Variants in LOC400499 observed in about 807,000 individuals in gnomAD.
chr16:11,417,118 C>T, the LOC400499 span, among the ~76,000 whole-genome samples: 7 of 152,176 alleles, frequency 4.6e-5, no homozygotes, highest in East Asian at 1.4e-3. Flanking sequence ...GTCCCACCCC[C>T]CCTCACCCTC....
the LOC400499 span, among the ~76,000 whole-genome samples, chr16:11,420,988 G>A: frequency 6.6e-6 from 1 of 152,180 alleles, no homozygotes; most frequent in African/African-American, 2.4e-5. Flanking sequence ...CTTGTCCTGA[G>A]TTTCAGGGGC....
chr16:11,467,094 A>G, the LOC400499 span: 1 of 156,172 alleles, frequency 6.4e-6, no homozygotes, highest in South Asian at 1.7e-4. Context: ...CTGGGATTAC[A>G]GGCACGCACC....
the LOC400499 span, among the ~76,000 whole-genome samples, chr16:11,466,940 T>C: frequency 1.3e-5 from 2 of 149,078 alleles, no homozygotes; most frequent in African/African-American, 2.4e-5. Context: ...TGTGTGTGTA[T>C]GCACGCACAC....
the LOC400499 span, among the ~76,000 whole-genome samples, chr16:11,390,987 CCCCTT>C: frequency 1.6e-3 from 239 of 152,346 alleles, no homozygotes; most frequent in African/African-American, 5.5e-3. Context: ...CCGCCCCAGC[CCCCTT>C]CCCTGTGCTG....
the LOC400499 span, chr16:11,384,330 G>C: frequency 8.1e-6 from 10 of 1,228,874 alleles, no homozygotes; most frequent in Non-Finnish European, 1.0e-5. Flanking sequence ...ATATGCCTGT[G>C]GGGAAGAGGG....
At chr16:11,497,664 TG>T in the LOC400499 span, among the ~76,000 whole-genome samples, 1 of 152,154 alleles carries the variant, frequency 6.6e-6, no homozygotes, top group South Asian at 2.1e-4. Context: ...CCAGGACAAC[TG>T]GGCCAGCATG....
chr16:11,519,200 T>C, the LOC400499 span, among the ~76,000 whole-genome samples: 5 of 152,154 alleles, frequency 3.3e-5, no homozygotes, highest in Non-Finnish European at 5.9e-5. Flanking sequence ...TCTGGAAAGT[T>C]CTCATTTTGC....
At chr16:11,403,568 A>G in the LOC400499 span, among the ~76,000 whole-genome samples, 3 of 152,126 alleles carry the variant, frequency 2.0e-5, no homozygotes, top group African/African-American at 7.2e-5. Flanking sequence ...CAGGGCACAC[A>G]TGTGGCAAAT....
the LOC400499 span, among the ~76,000 whole-genome samples, chr16:11,436,637 G>C: frequency 2.6e-5 from 4 of 151,854 alleles, no homozygotes; most frequent in Non-Finnish European, 5.9e-5. Context: ...ACCCAGGCTG[G>C]AGTGCAGTGG....
At chr16:11,434,391 G>A in the LOC400499 span, among the ~76,000 whole-genome samples, 2 of 152,128 alleles carry the variant, frequency 1.3e-5, no homozygotes, top group Non-Finnish European at 2.9e-5. Flanking sequence ...AGGTGCGGTG[G>A]TGAGCCTGTG....
At chr16:11,372,535 C>A in the LOC400499 span, 10 of 154,132 alleles carry the variant, frequency 6.5e-5, no homozygotes, top group African/African-American at 9.6e-5. Flanking sequence ...AGTTTCATGT[C>A]CCCCGGAAGT....
the LOC400499 span, among the ~76,000 whole-genome samples, chr16:11,467,556 G>C: frequency 1.3e-5 from 2 of 152,074 alleles, no homozygotes; most frequent in African/African-American, 2.4e-5. Flanking sequence ...AGGCTGCAGT[G>C]AGCCATGTTT....
At chr16:11,426,351 G>A in the LOC400499 span, among the ~76,000 whole-genome samples, 10 of 152,096 alleles carry the variant, frequency 6.6e-5, no homozygotes, top group East Asian at 1.4e-3. Context: ...TAGGAGACTC[G>A]CTTGAAACTG....
At chr16:11,436,403 A>AG in the LOC400499 span, among the ~76,000 whole-genome samples, 1 of 152,010 alleles carries the variant, frequency 6.6e-6, no homozygotes, top group Non-Finnish European at 1.5e-5. Flanking sequence ...AGGGTGCTGA[A>AG]GGGAGCAGTG....
chr16:11,523,634 A>G, the LOC400499 span: 1 of 392,724 alleles, frequency 2.5e-6, no homozygotes. Context: ...GAGGGCCACA[A>G]AGACTGGAAG....
At chr16:11,522,760 G>C in the LOC400499 span, among the ~76,000 whole-genome samples, 67 of 152,310 alleles carry the variant, frequency 4.4e-4, 1 homozygote, top group Non-Finnish European at 1.5e-5. Context: ...TATCAAGTGG[G>C]GCTGGCAGGG....
the LOC400499 span, among the ~76,000 whole-genome samples, chr16:11,518,259 G>C: frequency 2.6e-5 from 4 of 152,188 alleles, no homozygotes; most frequent in African/African-American, 9.7e-5. Context: ...CTTAACAAAT[G>C]AATTTGCAAT....
At chr16:11,420,993 A>G in the LOC400499 span, among the ~76,000 whole-genome samples, 1 of 152,190 alleles carries the variant, frequency 6.6e-6, no homozygotes, top group Non-Finnish European at 1.5e-5. Flanking sequence ...CCTGAGTTTC[A>G]GGGGCTCTGT....
chr16:11,384,218 G>A, the LOC400499 span: 3 of 1,231,534 alleles, frequency 2.4e-6, no homozygotes, highest in African/African-American at 1.5e-5. Flanking sequence ...CCGCTCACCT[G>A]CCAGGCCAGG....
Sources: gnomAD v4.1 joint callset for allele counts (sites outside exome capture counted in the v4.1 genomes callset) on GRCh38, gnomAD v4.1.1 for gene constraint, MANE v1.5 for transcripts.